CC2D1B: variants seen among roughly 807,000 people sequenced by gnomAD.
CC2D1B encodes the protein coiled-coil and C2 domain containing 1B.
CC2D1B carries 92 observed loss-of-function variants against 110.8 expected under a neutral mutation model. That is an observed-to-expected ratio of 0.83 (90% CI 0.70 to 0.99). CC2D1B has a LOEUF of 0.99. CC2D1B is among the 50% of genes least tolerant of loss of function. The probability of loss-of-function intolerance (pLI) is 0.00; values close to 1 mark genes in which losing one functional copy is unlikely to be tolerated. For synonymous variants in CC2D1B, 406 were observed against 429.2 expected (o/e 0.95, Z 0.67); for missense variants, 1,136 against 1,089.0 (o/e 1.04, Z -0.61).
At position 52,364,630 on chromosome 1, in the gene CC2D1B, G is replaced by A. The variant is rs1205227727; in HGVS notation, c.-10C>T. On this transcript the variant is annotated 5_prime_UTR_variant, in exon 2 of 25. Transcript: ENST00000284376. ...TTGGCCCTGGCATCATGGCAGCCTA[G>A]ATACCTATGGAAGAGTTACAGAGAT... The A allele has an allele frequency of 6.2e-7, 1 of 1,602,566 alleles. No individual in the cohort carries two copies. Among genetic ancestry groups the A allele is most frequent in the Non-Finnish European group, 8.5e-7 (1 of 1,171,018 alleles).
At chr1:52,357,254 G>T in intron 15 of CC2D1B, 128 bp from the exon 16 acceptor site, 2 of 1,151,808 alleles carry the variant, frequency 1.7e-6, no homozygotes, top group Non-Finnish European at 2.5e-6. Flanking sequence ...ACAACTCATC[G>T]CCTCCCATTC....
chr1:52,363,120 C>T (rs919980785), intron 2 of CC2D1B, among the ~76,000 whole-genome samples: 1 of 152,068 alleles, frequency 6.6e-6, no homozygotes, highest in Non-Finnish European at 1.5e-5. Flanking sequence ...TTTGGCCAGG[C>T]GCGGTGGCTC....
chr1:52,362,824 T>C, intron 2 of CC2D1B, 78 bp from the exon 3 acceptor site: 2 of 1,463,476 alleles, frequency 1.4e-6, no homozygotes, highest in Non-Finnish European at 9.4e-7. Flanking sequence ...CTTGGGGCTC[T>C]CCAAGTCCCA....
intron 3 of CC2D1B, 24 bp from the exon 4 acceptor site, chr1:52,361,640 G>A: frequency 1.9e-6 from 3 of 1,613,436 alleles, no homozygotes; most frequent in Non-Finnish European, 2.5e-6. Context: ...GTCACAACAA[G>A]TCAGCACAAC....
intron 6 of CC2D1B, 57 bp downstream of exon 6, chr1:52,360,367 C>A: frequency 6.2e-7 from 1 of 1,601,136 alleles, no homozygotes; most frequent in Non-Finnish European, 8.5e-7. Flanking sequence ...CGATCTCCAC[C>A]AGCCGCCTTT....
intron 24 of CC2D1B, 90 bp from the exon 25 acceptor site, chr1:52,353,313 A>AGAT: frequency 2.0e-6 from 3 of 1,476,138 alleles, no homozygotes; most frequent in Non-Finnish European, 2.7e-6. Flanking sequence ...ATAGATAGAT[A>AGAT]GATAGATAGT....
chr1:52,359,079 G>C lies in CC2D1B; in HGVS notation c.1205C>G (p.Ala402Gly). The change falls in exon 11 of 25, where the codon GCC (alanine) becomes GGC (glycine). Residue 402 changes from alanine (A) to glycine (G), a missense_variant. Coordinates refer to ENST00000284376, the MANE Select transcript of CC2D1B (RefSeq NM_001330585.2). Reference protein sequence around the residue: ...LNKYREAGIQARSGGDERKAR... With the variant: ...LNKYREAGIQGRSGGDERKAR... ...CTTGCGCTCGTCCCCACCACTCCGG[G>C]CCTGGATGCCCGCCTCGCGGTACTT... 1 of 1,609,128 alleles carries C rather than the reference G, an allele frequency of 6.2e-7. No individual in the cohort carries two copies. The highest frequency in any genetic ancestry group is 8.5e-7 in the Non-Finnish European group (1 of 1,180,026).
chr1:52,358,418 C>T lies in CC2D1B; in HGVS notation c.1374G>A (p.Glu458=). The T allele has an allele frequency of 3.7e-6, 6 of 1,614,122 alleles. No individual in the cohort carries two copies. Among genetic ancestry groups the T allele is most frequent in the Non-Finnish European group, 5.1e-6 (6 of 1,180,034 alleles). Residue 458 remains glutamate (E), a synonymous_variant, in exon 13 of 25, where the codon GAG becomes GAA. Coordinates refer to ENST00000284376, the MANE Select transcript of CC2D1B (RefSeq NM_001330585.2). ...CCAATGTCGCTGCCACTGCGTCCTC[C>T]TCAACACCCATAGTGGACTCCAGGC... The part of the protein sequence containing the change: ...IPGLESTMGV[E]EDAVAATLAA...
In CC2D1B at chr1:52,355,815, A is replaced by G. The variant is rs1646638977; in HGVS notation, c.2084T>C (p.Met695Thr). The G allele has an allele frequency of 1.2e-6, 2 of 1,613,996 alleles. No individual in the cohort carries two copies. The highest frequency in any genetic ancestry group is 1.7e-6 in the Non-Finnish European group (2 of 1,180,022). Residue 695 changes from methionine (M) to threonine (T), a missense_variant, in exon 19 of 25, where the codon ATG (methionine) becomes ACG (threonine). Transcript: ENST00000284376. Reference protein sequence around the residue: ...RIFSELNSTEMHLIIVRGMNL... With the variant: ...RIFSELNSTETHLIIVRGMNL... ...CATTCCCCGGACAATGATCAGATGCATTTCTGTGCTGTTGAGTTCTGAGAA... is the reference window on the plus strand; with the variant it reads ...CATTCCCCGGACAATGATCAGATGCGTTTCTGTGCTGTTGAGTTCTGAGAA...
chr1:52,360,764 C>T, intron 5 of CC2D1B: 1 of 896,870 alleles, frequency 1.1e-6, no homozygotes, highest in South Asian at 1.8e-5. Flanking sequence ...CAGGATATGG[C>T]TCCCGGGGGG....
chr1:52,351,968 A>G lies in CC2D1B; in HGVS notation c.*1257T>C, dbSNP rs1646537939. ...TGTAGTTCCCGCTCTGTGACCCACT[A>G]AAAGCTCTGCGTTTAAGGGCAGGGA... On this transcript the variant is annotated 3_prime_UTR_variant, in exon 25 of 25. Transcript: ENST00000284376. 6.6e-6 allele frequency: 1 copy of G among 152,024 alleles called. No individual in the cohort carries two copies. The highest frequency in any genetic ancestry group is 1.5e-5 in the Non-Finnish European group (1 of 68,034). The allele number at this position is 152,024 out of a possible 1,614,324, so 9.4% of individuals were successfully genotyped here.
chr1:52,352,575 C>CT lies in CC2D1B; in HGVS notation c.*649dup, dbSNP rs1237341930. On this transcript the variant is annotated 3_prime_UTR_variant, in exon 25 of 25. Coordinates refer to ENST00000284376, the MANE Select transcript of CC2D1B (RefSeq NM_001330585.2). ...TATATTTTTTCTTCCAGTTAACAGT[C>CT]TTTTCTCTTGGGTGGGTAGACCAAA... is the stretch of plus-strand genomic sequence containing the variant. The CT allele has an allele frequency of 6.6e-6, 1 of 152,596 alleles. No homozygotes were observed. The allele number at this position is 152,596 out of a possible 1,614,324, so 9.5% of individuals were successfully genotyped here.
intron 2 of CC2D1B, among the ~76,000 whole-genome samples, chr1:52,363,872 G>A (rs1481935373): frequency 2.0e-5 from 3 of 152,006 alleles, no homozygotes; most frequent in African/African-American, 7.3e-5. Context: ...GTAGAGATGG[G>A]GTTTCACTAT....
chr1:52,354,597 C>G lies in CC2D1B; in HGVS notation c.2430+11G>C. 6.2e-7 allele frequency: 1 copy of G among 1,613,618 alleles called. No homozygotes were observed. Among genetic ancestry groups the G allele is most frequent in the Non-Finnish European group, 8.5e-7 (1 of 1,179,506 alleles). ...CCAACCCCTTTGGCTTGCCCACACCCCAGCCCCTACCTCCACAATTTCTCT... is the reference window on the plus strand; with the variant it reads ...CCAACCCCTTTGGCTTGCCCACACCGCAGCCCCTACCTCCACAATTTCTCT... On this transcript the variant is annotated intron_variant, in intron 23 of 24. Transcript: ENST00000284376.
At position 52,354,914 on chromosome 1, in the gene CC2D1B, G is replaced by A; in HGVS notation, c.2265C>T (p.Asn755=). ...TGAAGCCCCGGTGGTTTCGGTTGAT[G>A]TTTAGTTTGAAGAGTTGATCAAATT... ...SPEFDQLFKL[N]INRNHRGFKR... Residue 755 remains asparagine (N), a synonymous_variant, in exon 22 of 25, where the codon AAC becomes AAT. Transcript: ENST00000284376. 1 of 1,614,136 alleles carries A rather than the reference G, an allele frequency of 6.2e-7. No homozygotes were observed. The highest frequency in any genetic ancestry group is 8.5e-7 in the Non-Finnish European group (1 of 1,179,986).
Position 52,356,402 on chromosome 1 carries a change from T to C in CC2D1B, c.1919A>G (p.Asn640Ser). 2 of 1,614,246 alleles carry C rather than the reference T, an allele frequency of 1.2e-6. No individual in the cohort carries two copies. The highest frequency in any genetic ancestry group is 1.7e-6 in the Non-Finnish European group (2 of 1,180,028). The change falls in exon 17 of 25, where the codon AAC becomes AGC. Residue 640 changes from asparagine to serine, a missense_variant. By Grantham distance (46) the Asn-to-Ser change is conservative (BLOSUM62 1). Transcript: ENST00000284376. ...CACTTACCGGGTGGTCTCAGCCACGTTGCCCTGGTGCATGAACTGCTTGGA... is the reference window on the plus strand; with the variant it reads ...CACTTACCGGGTGGTCTCAGCCACGCTGCCCTGGTGCATGAACTGCTTGGA... ...LFSKQFMHQG[N>S]VAETTRFEKL...
At position 52,352,608 on chromosome 1, in the gene CC2D1B, T is replaced by C. The variant is rs780842648; in HGVS notation, c.*617A>G. On this transcript the variant is annotated 3_prime_UTR_variant, in exon 25 of 25. Transcript: ENST00000284376. ...TTGGGTGGGTAGACCAAACCCAAGA[T>C]CCAACCTTCCCCTTACTTCCCACCA... The C allele has an allele frequency of 6.6e-6, 1 of 152,570 alleles. No individual in the cohort carries two copies. Among genetic ancestry groups the C allele is most frequent in the Non-Finnish European group, 1.5e-5 (1 of 68,032 alleles). The allele number at this position is 152,570 out of a possible 1,614,324, so 9.5% of individuals were successfully genotyped here. A position where few individuals can be genotyped will look rare whatever the true frequency, so the allele number is the denominator to read the frequency against.
intron 23 of CC2D1B, chr1:52,354,220 T>A: frequency 2.6e-6 from 1 of 383,352 alleles, no homozygotes; most frequent in African/African-American, 2.1e-5. Context: ...TGTGCTACAG[T>A]GGGAAGAGCC....
At position 52,359,057 on chromosome 1, in the gene CC2D1B, G is replaced by A; in HGVS notation, c.1227C>T (p.Arg409=). 6.2e-7 allele frequency: 1 copy of A among 1,608,022 alleles called. No individual in the cohort carries two copies. Among genetic ancestry groups the A allele is most frequent in the African/African-American group, 1.3e-5 (1 of 75,062 alleles). The change falls in exon 11 of 25, where the codon CGC becomes CGT. Residue 409 remains arginine (R), a synonymous_variant. Coordinates refer to ENST00000284376, the MANE Select transcript of CC2D1B (RefSeq NM_001330585.2). ...GIQARSGGDE[R]KARMHERIAK... ...CAATGCGCTCATGCATCCGAGCCTTGCGCTCGTCCCCACCACTCCGGGCCT... is the reference window on the plus strand; with the variant it reads ...CAATGCGCTCATGCATCCGAGCCTTACGCTCGTCCCCACCACTCCGGGCCT...
Sources: gnomAD v4.1 joint callset for allele counts (sites outside exome capture counted in the v4.1 genomes callset) on GRCh38, gnomAD v4.1.1 for gene constraint, MANE v1.5 for transcripts, NCBI Gene and HGNC (gene_info 2026-07-23, HGNC 2026-07-21) for gene names.